ADAM18: variants seen among roughly 807,000 people sequenced by gnomAD.
The protein encoded by ADAM18 is disintegrin and metalloproteinase domain-containing protein 18.
Under a neutral mutation model 94.4 loss-of-function variants are expected in ADAM18, and 117 were observed. That is an observed-to-expected ratio of 1.24 (90% CI 1.07 to 1.45). The LOEUF (loss-of-function observed/expected upper bound fraction) is 1.45. ADAM18 is among the 40% of genes most tolerant of loss of function. The pLI is 0.00. For missense variants in ADAM18, 936 were observed against 880.0 expected, an observed-to-expected ratio of 1.06 and a Z score of -0.81; for synonymous variants, 327 against 291.6, an observed-to-expected ratio of 1.12 and a Z score of -1.24.
intron 2 of ADAM18, among the ~76,000 whole-genome samples, chr8:39,602,329 G>C (rs987630913): frequency 6.6e-6 from 1 of 151,986 alleles, no homozygotes. Context: ...ATTACTCTAC[G>C]TACACACCAA....
chr8:39,719,346 T>G (rs1339846957), intron 18 of ADAM18, among the ~76,000 whole-genome samples: 2 of 151,276 alleles, frequency 1.3e-5, no homozygotes, highest in Non-Finnish European at 3.0e-5. Flanking sequence ...TCAAAGTTGA[T>G]TACAGACCAA....
Position 39,645,502 on chromosome 8 carries a change from T to G in ADAM18, c.1046+28T>G, listed in dbSNP as rs369650525. On this transcript the variant is annotated intron_variant, in intron 11 of 19. Coordinates refer to ENST00000265707, the MANE Select transcript of ADAM18 (RefSeq NM_014237.3). ...AAGATGTTTTCTTAATTAATTTCAT[T>G]TATATTTTTATAAGGTTGTTTCCAA... is the stretch of plus-strand genomic sequence containing the variant. The G allele has an allele frequency of 3.1e-5, 48 of 1,573,032 alleles. No homozygotes were observed. In the Middle Eastern group the frequency reaches 5.6e-4, roughly 18 times the overall value.
At chr8:39,639,496 TGTGA>T (rs1820176717) in intron 10 of ADAM18, among the ~76,000 whole-genome samples, 1 of 152,020 alleles carries the variant, frequency 6.6e-6, no homozygotes. Context: ...ACTCTTCAAA[TGTGA>T]GTATTATCTA....
At chr8:39,677,002 C>G (rs1216160073) in intron 14 of ADAM18, among the ~76,000 whole-genome samples, 3 of 152,100 alleles carry the variant, frequency 2.0e-5, no homozygotes, top group Non-Finnish European at 4.4e-5. Flanking sequence ...CAAAGTATAG[C>G]CAGCATGCTG....
chr8:39,726,424 G>A (rs1054888691), intron 19 of ADAM18, among the ~76,000 whole-genome samples: 4 of 151,944 alleles, frequency 2.6e-5, no homozygotes, highest in African/African-American at 9.7e-5. Context: ...ATGGTGCCTG[G>A]CCACCCATAT....
At chr8:39,598,394 G>A (rs139579111) in intron 2 of ADAM18, among the ~76,000 whole-genome samples, 13 of 152,002 alleles carry the variant, frequency 8.6e-5, no homozygotes, top group Middle Eastern at 3.4e-3. Flanking sequence ...TTTTTAAATA[G>A]ATGTTCTTTA....
chr8:39,608,134 G>A (rs368538542), intron 3 of ADAM18, among the ~76,000 whole-genome samples: 15 of 151,928 alleles, frequency 9.9e-5, no homozygotes, highest in East Asian at 5.8e-4. Context: ...TCTTTCTGTC[G>A]TTTTCCCCTA....
intron 6 of ADAM18, among the ~76,000 whole-genome samples, chr8:39,623,447 CG>C (rs1375256012): frequency 3.9e-5 from 6 of 151,998 alleles, no homozygotes; most frequent in African/African-American, 1.5e-4. Flanking sequence ...AGATTCCCAC[CG>C]GCAGTATGTA....
chr8:39,609,573 T>G lies in ADAM18; in HGVS notation c.344+12T>G, dbSNP rs1391969327. 6.3e-6 allele frequency: 10 copies of G among 1,578,588 alleles called. No individual in the cohort carries two copies. The highest frequency in any genetic ancestry group is 5.2e-6 in the Non-Finnish European group (6 of 1,152,616). ...TGTTCTGGTCTCAGGTAATAGCACC[T>G]TATAAGAAATCTATAGATGGAGAAC... On this transcript the variant is annotated intron_variant, in intron 5 of 19. Coordinates refer to ENST00000265707, the MANE Select transcript of ADAM18 (RefSeq NM_014237.3).
Position 39,609,216 on chromosome 8 carries a change from T to C in ADAM18, c.267+96T>C, listed in dbSNP as rs1039343406. On this transcript the variant is annotated intron_variant, in intron 4 of 19. Transcript: ENST00000265707. ...ACAGTTTAATACAAATGTTTTATCC[T>C]TACTGACATGTTACTGACTTTTGTA... 14 of 908,150 alleles carry C rather than the reference T, an allele frequency of 1.5e-5. No homozygotes were observed. The African/African-American group carries it at 2.2e-4, about 14-fold the overall frequency. The allele number at this position is 908,150 out of a possible 1,614,324, so 56.3% of individuals were successfully genotyped here.
intron 17 of ADAM18, among the ~76,000 whole-genome samples, chr8:39,698,009 C>T (rs1821972698): frequency 6.6e-6 from 1 of 151,760 alleles, no homozygotes; most frequent in African/African-American, 2.4e-5. Context: ...TAAATCATTA[C>T]TTAATTTTGC....
chr8:39,648,164 T>C (rs1820436536), intron 11 of ADAM18, among the ~76,000 whole-genome samples, 180 bp from the exon 12 acceptor site: 1 of 152,190 alleles, frequency 6.6e-6, no homozygotes. Flanking sequence ...TTAATGCAAT[T>C]TTTTAAGAGA....
chr8:39,620,019 C>T (rs114620029), intron 6 of ADAM18, among the ~76,000 whole-genome samples: 1,728 of 151,996 alleles, frequency 0.011, 40 homozygotes, highest in African/African-American at 0.04. Flanking sequence ...GACACATAGA[C>T]CAATGAAATA....
At chr8:39,657,083 C>T (rs952205245) in intron 12 of ADAM18, among the ~76,000 whole-genome samples, 3 of 152,090 alleles carry the variant, frequency 2.0e-5, no homozygotes, top group Non-Finnish European at 4.4e-5. Flanking sequence ...AGAGAAATAG[C>T]CCAAATATTC....
intron 17 of ADAM18, among the ~76,000 whole-genome samples, chr8:39,694,622 A>G (rs946521247): frequency 6.6e-6 from 1 of 151,488 alleles, no homozygotes; most frequent in Non-Finnish European, 1.5e-5. Flanking sequence ...CATTTTTCAG[A>G]GCAACGTTTG....
intron 18 of ADAM18, among the ~76,000 whole-genome samples, chr8:39,708,627 C>G (rs1039884808): frequency 1.3e-5 from 2 of 152,334 alleles, no homozygotes; most frequent in South Asian, 4.1e-4. Flanking sequence ...TTCTTGGGAC[C>G]TGTGACAGGG....
chr8:39,716,789 T>G (rs897253928), intron 18 of ADAM18, among the ~76,000 whole-genome samples: 2 of 151,916 alleles, frequency 1.3e-5, no homozygotes, highest in Non-Finnish European at 2.9e-5. Flanking sequence ...TTATTGAACA[T>G]GTGACATTGA....
chr8:39,669,409 AC>A (rs1821089195), intron 14 of ADAM18, among the ~76,000 whole-genome samples: 1 of 150,242 alleles, frequency 6.7e-6, no homozygotes, highest in Admixed American at 6.6e-5. Flanking sequence ...GGTGTGCTGC[AC>A]CCAGTAACTC....
intron 4 of ADAM18, 106 bp from the exon 5 acceptor site, chr8:39,609,379 A>C: frequency 1.3e-6 from 1 of 754,198 alleles, no homozygotes; most frequent in Admixed American, 2.7e-5. Flanking sequence ...ATAATTAATG[A>C]TCTTATTATT....
Sources: allele counts gnomAD v4.1 joint callset (sites outside exome capture counted in the v4.1 genomes callset), GRCh38; gene constraint gnomAD v4.1.1; transcripts MANE v1.5; gene names NCBI Gene and HGNC (gene_info 2026-07-23, HGNC 2026-07-21).